Variants in AGBL4 observed in about 807,000 individuals in gnomAD.
AGBL4 encodes the protein AGBL carboxypeptidase 4, also known as cytosolic carboxypeptidase 6.
Under a neutral mutation model 66.4 loss-of-function variants are expected in AGBL4, and 58 were observed. The observed-to-expected ratio is 0.87, with a 90% CI of 0.71 to 1.09. The LOEUF (loss-of-function observed/expected upper bound fraction) is 1.09. Ranked by LOEUF, AGBL4 falls within the 50% of genes least tolerant of loss-of-function variation. The pLI is 0.00. For missense variants in AGBL4, 579 were observed against 631.0 expected, an observed-to-expected ratio of 0.92 and a Z score of 0.88; for synonymous variants, 234 against 222.9, an observed-to-expected ratio of 1.05 and a Z score of -0.44.
chr1:49,347,795 C>T (rs560548502), intron 3 of AGBL4, among the ~76,000 whole-genome samples: 14 of 151,222 alleles, frequency 9.3e-5, no homozygotes, highest in African/African-American at 3.2e-4. Context: ...GGGAGGCAGA[C>T]GTTGCAGTGA....
At chr1:48,781,912 T>C (rs954766376) in intron 6 of AGBL4, among the ~76,000 whole-genome samples, 2 of 152,204 alleles carry the variant, frequency 1.3e-5, no homozygotes, top group Admixed American at 6.5e-5. Context: ...GTAATACCTA[T>C]TTTTTCTCTA....
At chr1:49,286,475 A>C (rs377390896) in intron 3 of AGBL4, among the ~76,000 whole-genome samples, 174 of 152,176 alleles carry the variant, frequency 1.1e-3, no homozygotes, top group African/African-American at 3.3e-3. Context: ...ATTGGCTCAG[A>C]CCAAAATCTC....
intron 2 of AGBL4, among the ~76,000 whole-genome samples, chr1:49,736,159 A>T (rs906433759): frequency 6.6e-6 from 1 of 152,118 alleles, no homozygotes; most frequent in Non-Finnish European, 1.5e-5. Flanking sequence ...AAATTTGATG[A>T]AAACATTAGT....
intron 6 of AGBL4, among the ~76,000 whole-genome samples, chr1:48,732,039 A>G (rs557275100): frequency 6.6e-6 from 1 of 152,308 alleles, no homozygotes; most frequent in Non-Finnish European, 1.5e-5. Flanking sequence ...TGGAAAAAGT[A>G]GAGAAACTTT....
intron 3 of AGBL4, among the ~76,000 whole-genome samples, chr1:49,423,345 G>T (rs1404591937): frequency 1.3e-5 from 2 of 152,140 alleles, no homozygotes; most frequent in East Asian, 3.9e-4. Flanking sequence ...TGCTCAGAAA[G>T]TATTTTAAAA....
chr1:49,211,777 A>G (rs1163802196), intron 4 of AGBL4, among the ~76,000 whole-genome samples: 1 of 152,148 alleles, frequency 6.6e-6, no homozygotes, highest in Non-Finnish European at 1.5e-5. Context: ...ACACAGATGT[A>G]AGAATTTAAA....
Position 49,586,356 on chromosome 1 carries a change from G to A in AGBL4, c.282+110957C>T, listed in dbSNP as rs544073950. Among the ~76,000 whole-genome samples the A allele has an allele frequency of 5.1e-4, 78 of 152,138 alleles. 1 individual carries two copies. The highest frequency in any genetic ancestry group is 1.6e-3 in the African/African-American group (68 of 41,502). On this transcript the variant is annotated intron_variant, in intron 3 of 13. Coordinates refer to ENST00000371839, the MANE Select transcript of AGBL4 (RefSeq NM_032785.4). Reference sequence around the variant, plus strand: ...CTCTTTGCTGCAAGTTTCTTTGCTCGGTAACAAATTTCATTTCAGTCTATC... The same window carrying A: ...CTCTTTGCTGCAAGTTTCTTTGCTCAGTAACAAATTTCATTTCAGTCTATC...
intron 3 of AGBL4, among the ~76,000 whole-genome samples, chr1:49,258,314 T>A (rs1310655931): frequency 6.6e-6 from 1 of 152,102 alleles, no homozygotes; most frequent in Non-Finnish European, 1.5e-5. Flanking sequence ...GAGAATGACT[T>A]TGATGAGTTG....
chr1:49,528,294 G>A (rs1335242009), intron 3 of AGBL4, among the ~76,000 whole-genome samples: 11 of 152,136 alleles, frequency 7.2e-5, no homozygotes, highest in Admixed American at 6.5e-5. Flanking sequence ...AGACACTTAC[G>A]TATCTTATTA....
intron 3 of AGBL4, among the ~76,000 whole-genome samples, chr1:49,327,948 G>A (rs961405503): frequency 1.3e-5 from 2 of 152,172 alleles, no homozygotes; most frequent in African/African-American, 2.4e-5. Context: ...TTTAAGGACA[G>A]GGTTCCCTAA....
At chr1:49,397,605 C>G (rs893343636) in intron 3 of AGBL4, among the ~76,000 whole-genome samples, 1 of 152,116 alleles carries the variant, frequency 6.6e-6, no homozygotes, top group African/African-American at 2.4e-5. Flanking sequence ...AGGTAAAAAA[C>G]AAAGGGGCTA....
intron 11 of AGBL4, among the ~76,000 whole-genome samples, chr1:48,583,374 A>G (rs1190067399): frequency 6.6e-6 from 1 of 152,198 alleles, no homozygotes; most frequent in Non-Finnish European, 1.5e-5. Flanking sequence ...GAGGTTAAGT[A>G]TTATTATGTC....
chr1:49,851,308 T>G, intron 2 of AGBL4, 88 bp downstream of exon 2: 1 of 1,334,136 alleles, frequency 7.5e-7, no homozygotes, highest in Non-Finnish European at 9.8e-7. Context: ...TGAGTTGAAT[T>G]GCACTGAATG....
At chr1:49,827,578 T>C (rs1645544169) in intron 2 of AGBL4, among the ~76,000 whole-genome samples, 1 of 152,170 alleles carries the variant, frequency 6.6e-6, no homozygotes, top group East Asian at 1.9e-4. Context: ...TCCAAGGCAG[T>C]GTTATTCAAA....
At chr1:49,975,636 A>C (rs956815191) in intron 1 of AGBL4, among the ~76,000 whole-genome samples, 4 of 152,230 alleles carry the variant, frequency 2.6e-5, no homozygotes, top group Admixed American at 2.0e-4. Flanking sequence ...CAGAATTTGT[A>C]ATCAAAGAGA....
intron 1 of AGBL4, among the ~76,000 whole-genome samples, chr1:50,000,897 G>A (rs779427004): frequency 5.3e-5 from 8 of 152,088 alleles, no homozygotes; most frequent in East Asian, 3.9e-4. Context: ...ATGGACTTTC[G>A]GGACTCAGGG....
chr1:49,842,209 G>T, intron 2 of AGBL4: 1 of 432,984 alleles, frequency 2.3e-6, no homozygotes, highest in South Asian at 2.1e-5. Context: ...TCAGCCAGGA[G>T]GAGTGGAGGC....
intron 5 of AGBL4, among the ~76,000 whole-genome samples, chr1:49,017,878 A>G (rs958815292): frequency 1.8e-4 from 28 of 152,194 alleles, no homozygotes; most frequent in African/African-American, 6.8e-4. Flanking sequence ...AAGGTGTTTC[A>G]GGGCCCAGAA....
intron 4 of AGBL4, among the ~76,000 whole-genome samples, chr1:49,215,594 C>CT (rs1557736685): frequency 6.6e-6 from 1 of 152,070 alleles, no homozygotes; most frequent in Non-Finnish European, 1.5e-5. Context: ...TTTCTGTACT[C>CT]TTTTTCACAT....
Sources: allele counts gnomAD v4.1 joint callset (sites outside exome capture counted in the v4.1 genomes callset), GRCh38; gene constraint gnomAD v4.1.1; transcripts MANE v1.5; gene names NCBI Gene and HGNC (gene_info 2026-07-23, HGNC 2026-07-21).